LRP1B: variants seen among roughly 807,000 people sequenced by gnomAD.
LRP1B encodes low-density lipoprotein receptor-related protein 1B.
In LRP1B, 217 loss-of-function variants were observed where a neutral mutation model predicts 556.6. That is an observed-to-expected ratio of 0.39 (90% confidence interval 0.35 to 0.44). The LOEUF is 0.44. LRP1B is among the 20% of genes least tolerant of loss of function. The probability of loss-of-function intolerance (pLI) is 1.00; values close to 1 mark genes in which losing one functional copy is unlikely to be tolerated. For missense variants in LRP1B, 5,053 were observed against 5,620.8 expected (o/e 0.90, Z 3.23); for synonymous variants, 2,047 against 1,865.8 (o/e 1.10, Z -2.50).
intron 3 of LRP1B, among the ~76,000 whole-genome samples, chr2:141,360,571 T>C (rs1688786063): frequency 6.6e-6 from 1 of 152,190 alleles, no homozygotes; most frequent in African/African-American, 2.4e-5. Flanking sequence ...AAGAAAGACA[T>C]ATACTCCAGG....
intron 53 of LRP1B, among the ~76,000 whole-genome samples, chr2:140,505,416 T>C (rs932683173): frequency 6.6e-6 from 1 of 152,184 alleles, no homozygotes; most frequent in African/African-American, 2.4e-5. Flanking sequence ...CCTGCTTCTA[T>C]TCTTCAGTGC....
intron 3 of LRP1B, among the ~76,000 whole-genome samples, chr2:141,363,210 T>G (rs1559030283): frequency 6.6e-6 from 1 of 152,190 alleles, no homozygotes; most frequent in Non-Finnish European, 1.5e-5. Flanking sequence ...TTCTGTCCAA[T>G]CTTAACCATT....
chr2:141,810,138 AAAG>A (rs1558890951), intron 2 of LRP1B, 138 bp downstream of exon 2: 28 of 429,598 alleles, frequency 6.5e-5, no homozygotes, highest in Non-Finnish European at 7.5e-5. Flanking sequence ...AGAAAGAAAG[AAAG>A]AAAGAAAGAA....
intron 2 of LRP1B, among the ~76,000 whole-genome samples, chr2:141,703,706 C>T (rs1229072390): frequency 6.6e-6 from 1 of 151,914 alleles, no homozygotes; most frequent in Non-Finnish European, 1.5e-5. Flanking sequence ...ATCCCTAAAT[C>T]ACACATCCTG....
Position 140,841,072 on chromosome 2 carries a change from G to C in LRP1B, c.4960C>G (p.Leu1654Val), listed in dbSNP as rs1027338080. The C allele has an allele frequency of 5.0e-6, 8 of 1,610,390 alleles. No individual in the cohort carries two copies. Among genetic ancestry groups the C allele is most frequent in the Non-Finnish European group, 6.8e-6 (8 of 1,177,898 alleles). Reference sequence around the variant, plus strand: ...TTACGTGACACCCAATCCACTGCTAGCCCTCTGATACTCTGAATATCTATA... The same window carrying C: ...TTACGTGACACCCAATCCACTGCTACCCCTCTGATACTCTGAATATCTATA... Reference protein sequence around the residue: ...ISRDIQSIRGLAVDWVSRNLY... With the variant: ...ISRDIQSIRGVAVDWVSRNLY... Residue 1654 changes from leucine (L) to valine (V), a missense_variant, in exon 30 of 91, where the codon CTA becomes GTA. By Grantham distance (32) the Leu-to-Val change is conservative. This residue lies in a region of LRP1B where 3,619 missense variants were observed against 3,931.9 expected (regional missense o/e 0.92). Coordinates refer to ENST00000389484, the MANE Select transcript of LRP1B (RefSeq NM_018557.3).
At chr2:141,868,122 T>A (rs190498288) in intron 1 of LRP1B, among the ~76,000 whole-genome samples, 8 of 152,248 alleles carry the variant, frequency 5.3e-5, no homozygotes, top group Admixed American at 5.2e-4. Context: ...CTTCAAATAC[T>A]TCAATTTATA....
chr2:141,863,976 T>G (rs1417803657), intron 1 of LRP1B, among the ~76,000 whole-genome samples: 1 of 152,204 alleles, frequency 6.6e-6, no homozygotes, highest in Non-Finnish European at 1.5e-5. Context: ...TGTAATCTGA[T>G]GTAAGCATAC....
At chr2:141,409,812 G>A (rs1029279912) in intron 3 of LRP1B, among the ~76,000 whole-genome samples, 1 of 152,064 alleles carries the variant, frequency 6.6e-6, no homozygotes, top group African/African-American at 2.4e-5. Context: ...GGTGGCCAAG[G>A]ATAGTGTATC....
intron 2 of LRP1B, among the ~76,000 whole-genome samples, chr2:141,557,221 C>A (rs1208413700): frequency 6.6e-6 from 1 of 151,694 alleles, no homozygotes; most frequent in Non-Finnish European, 1.5e-5. Flanking sequence ...AAAAACTCTA[C>A]CACAAAGACA....
At chr2:140,328,301 G>C (rs1378833612) in intron 79 of LRP1B, among the ~76,000 whole-genome samples, 1 of 151,908 alleles carries the variant, frequency 6.6e-6, no homozygotes, top group Non-Finnish European at 1.5e-5. Flanking sequence ...GGCTCACTAA[G>C]TTTTAGTGAC....
intron 7 of LRP1B, among the ~76,000 whole-genome samples, chr2:141,159,095 G>T (rs754239634): frequency 2.0e-5 from 3 of 152,124 alleles, no homozygotes; most frequent in Non-Finnish European, 4.4e-5. Flanking sequence ...ATGAATAAAA[G>T]ACAAAATGTA....
At chr2:141,021,652 A>G (rs1467203392) in intron 11 of LRP1B, among the ~76,000 whole-genome samples, 1 of 151,966 alleles carries the variant, frequency 6.6e-6, no homozygotes, top group Non-Finnish European at 1.5e-5. Flanking sequence ...CCAGTACAAA[A>G]AGTCTTCATG....
intron 35 of LRP1B, among the ~76,000 whole-genome samples, chr2:140,759,031 C>A (rs953725779): frequency 6.6e-6 from 1 of 151,996 alleles, no homozygotes. Flanking sequence ...AAAATATAAT[C>A]CCTCTTGTGA....
intron 2 of LRP1B, among the ~76,000 whole-genome samples, chr2:141,508,699 T>C (rs899324051): frequency 4.6e-5 from 7 of 152,206 alleles, no homozygotes; most frequent in Non-Finnish European, 7.4e-5. Flanking sequence ...TTATCAATAA[T>C]TACTAGGAAG....
At chr2:140,480,677 G>C (rs774787349) in intron 59 of LRP1B, among the ~76,000 whole-genome samples, 1 of 151,982 alleles carries the variant, frequency 6.6e-6, no homozygotes, top group Non-Finnish European at 1.5e-5. Context: ...CTAACCTCAG[G>C]TGATCCACCC....
chr2:141,136,932 C>A (rs1701506500), intron 7 of LRP1B, among the ~76,000 whole-genome samples: 1 of 151,772 alleles, frequency 6.6e-6, no homozygotes. Context: ...GTATTCAGTT[C>A]TATAGATACT....
chr2:140,562,042 G>C (rs1009887114), intron 43 of LRP1B, among the ~76,000 whole-genome samples: 7 of 152,006 alleles, frequency 4.6e-5, no homozygotes, highest in African/African-American at 9.7e-5. Flanking sequence ...TGATTCATGA[G>C]AAGAAGATAC....
chr2:140,546,266 C>G (rs935053593), intron 43 of LRP1B, among the ~76,000 whole-genome samples: 1 of 151,930 alleles, frequency 6.6e-6, no homozygotes, highest in East Asian at 1.9e-4. Flanking sequence ...CTTGGATGCC[C>G]CTTCTTTCTT....
chr2:140,852,862 T>A (rs1440172803), intron 27 of LRP1B, among the ~76,000 whole-genome samples: 1 of 152,034 alleles, frequency 6.6e-6, no homozygotes, highest in East Asian at 1.9e-4. Context: ...AAGATTTTAA[T>A]TTATCTAGTA....
Sources: allele counts gnomAD v4.1 joint callset (sites outside exome capture counted in the v4.1 genomes callset), GRCh38; gene constraint gnomAD v4.1.1; regional missense constraint gnomAD v4.1.1; transcripts MANE v1.5; gene names NCBI Gene and HGNC (gene_info 2026-07-23, HGNC 2026-07-21).